Variants in UBR2 observed in about 807,000 individuals in gnomAD.
UBR2 encodes the protein ubiquitin protein ligase E3 component n-recognin 2.
UBR2 carries 92 observed loss-of-function variants against 247.9 expected under a neutral mutation model. The ratio of observed to expected loss-of-function variants is 0.37; its 90% CI spans 0.31 to 0.44. The LOEUF (loss-of-function observed/expected upper bound fraction) is 0.44. UBR2 is among the 20% of genes least tolerant of loss of function. The pLI, the probability that UBR2 is intolerant of heterozygous loss-of-function variation, is 1.00. For synonymous variants in UBR2, 672 were observed against 693.5 expected (o/e 0.97, Z 0.49); for missense variants, 1,613 against 2,112.6 (o/e 0.76, Z 4.64).
rs368465499 is a variant in UBR2 at position 42,679,694 on chromosome 6, A to G, written c.4610-30A>G. 181 of 1,496,322 alleles carry G rather than the reference A, an allele frequency of 1.2e-4. 1 individual carries two copies. The highest frequency in any genetic ancestry group is 2.4e-4 in the Admixed American group (14 of 59,468). The allele number at this position is 1,496,322 out of a possible 1,614,324, so 92.7% of individuals were successfully genotyped here. On this transcript the variant is annotated intron_variant, in intron 41 of 46. Transcript: ENST00000372901. ...TGCAGAATATGCCCTTAGTTGTTAT[A>G]TGCACTCTTTTCTTGTTCTTCATTT...
intron 15 of UBR2, among the ~76,000 whole-genome samples, chr6:42,639,705 G>A (rs1281346790): frequency 1.3e-5 from 2 of 152,264 alleles, no homozygotes; most frequent in East Asian, 3.9e-4. Context: ...CTTTAAATGG[G>A]AACAAATTCC....
At chr6:42,619,309 C>G (rs941832711) in intron 11 of UBR2, among the ~76,000 whole-genome samples, 1 of 149,492 alleles carries the variant, frequency 6.7e-6, no homozygotes, top group Admixed American at 6.7e-5. Context: ...GCACTAACAT[C>G]TTTGCAATAT....
Position 42,676,865 on chromosome 6 carries a change from T to C in UBR2, c.4470T>C (p.Tyr1490=). 6.2e-7 allele frequency: 1 copy of C among 1,613,130 alleles called. No individual in the cohort carries two copies. Reference sequence around the variant, plus strand: ...CTTTGTATAAAACACTTCACCAGTATACGGGAAGGTGAGTTAGTTATCTTT... The same window carrying C: ...CTTTGTATAAAACACTTCACCAGTACACGGGAAGGTGAGTTAGTTATCTTT... ...VLALYKTLHQ[Y]TGSALKEIPS... Residue 1490 remains tyrosine, a synonymous_variant, in exon 40 of 47, where the codon TAT becomes TAC. Coordinates refer to ENST00000372901, the MANE Select transcript of UBR2 (RefSeq NM_001363705.2).
rs116249807 is a variant in UBR2 at position 42,592,856 on chromosome 6, C to T, written c.417+627C>T. ...CTCCTGTTTGTTTTTATTTACTCTACCCAGGAGTTCATAATAATGAACTAA... is the reference window on the plus strand; with the variant it reads ...CTCCTGTTTGTTTTTATTTACTCTATCCAGGAGTTCATAATAATGAACTAA... On this transcript the variant is annotated intron_variant, in intron 3 of 46. Coordinates refer to ENST00000372901, the MANE Select transcript of UBR2 (RefSeq NM_001363705.2). 9.6e-3 allele frequency among the ~76,000 whole-genome samples: 1,465 copies of T among 152,200 alleles called. 8 individuals carry two copies. The highest frequency in any genetic ancestry group is 0.013 in the Non-Finnish European group (902 of 67,996).
chr6:42,663,618 GT>G (rs1797947600), intron 32 of UBR2, among the ~76,000 whole-genome samples, 199 bp downstream of exon 32: 4 of 152,152 alleles, frequency 2.6e-5, no homozygotes, highest in Admixed American at 2.6e-4. Context: ...AAATTTAACA[GT>G]TTCTAAGCTA....
chr6:42,667,224 T>G (rs1020061646), intron 34 of UBR2, among the ~76,000 whole-genome samples: 5 of 151,666 alleles, frequency 3.3e-5, no homozygotes, highest in African/African-American at 7.3e-5. Flanking sequence ...TAATCCCAGC[T>G]ACTTGGGGGG....
intron 2 of UBR2, among the ~76,000 whole-genome samples, chr6:42,579,125 A>G (rs1470112781): frequency 2.0e-5 from 3 of 152,224 alleles, no homozygotes; most frequent in Admixed American, 6.5e-5. Flanking sequence ...ATTGGCTCAC[A>G]GTTCTGCAAG....
At chr6:42,682,068 TG>T (rs1348062120) in intron 42 of UBR2, among the ~76,000 whole-genome samples, 4 of 152,154 alleles carry the variant, frequency 2.6e-5, no homozygotes, top group African/African-American at 9.7e-5. Context: ...AGCAAGACTC[TG>T]TCTCAAAAAG....
intron 11 of UBR2, among the ~76,000 whole-genome samples, chr6:42,621,688 C>T (rs867998292): frequency 3.9e-5 from 6 of 152,096 alleles, no homozygotes; most frequent in African/African-American, 1.4e-4. Context: ...TCTTGAACTC[C>T]TGACCTCAGG....
At chr6:42,629,785 A>G (rs1795586492) in intron 11 of UBR2, among the ~76,000 whole-genome samples, 1 of 152,218 alleles carries the variant, frequency 6.6e-6, no homozygotes, top group Non-Finnish European at 1.5e-5. Flanking sequence ...ATTTCTTAGC[A>G]TAAGGTGATA....
intron 2 of UBR2, among the ~76,000 whole-genome samples, chr6:42,581,416 C>T (rs1252019833): frequency 6.6e-6 from 1 of 152,100 alleles, no homozygotes; most frequent in Non-Finnish European, 1.5e-5. Flanking sequence ...GTTTCAAACT[C>T]CAGGACTCAA....
intron 4 of UBR2, among the ~76,000 whole-genome samples, chr6:42,601,713 G>A (rs1793377626): frequency 6.7e-6 from 1 of 149,478 alleles, no homozygotes; most frequent in African/African-American, 2.5e-5. Context: ...AAACCTCAAT[G>A]GGACATATAA....
chr6:42,677,869 G>A (rs1322306035), intron 40 of UBR2, among the ~76,000 whole-genome samples: 1 of 152,202 alleles, frequency 6.6e-6, no homozygotes, highest in African/African-American at 2.4e-5. Flanking sequence ...AGTGATGAAT[G>A]TGTTCCAAAA....
chr6:42,615,749 C>A, intron 9 of UBR2, among the ~76,000 whole-genome samples: 1 of 147,982 alleles, frequency 6.8e-6, no homozygotes. Flanking sequence ...CAAAGCAAGA[C>A]CCTAAAAAAA....
intron 7 of UBR2, among the ~76,000 whole-genome samples, chr6:42,611,455 A>G (rs565006766): frequency 0.038 from 3,003 of 78,052 alleles, 95 homozygotes; most frequent in African/African-American, 0.15. Flanking sequence ...GCTAGACTCC[A>G]TCTCAAAAAA....
chr6:42,626,978 G>A (rs1582578587), intron 11 of UBR2, among the ~76,000 whole-genome samples: 6 of 152,250 alleles, frequency 3.9e-5, no homozygotes, highest in Admixed American at 2.6e-4. Context: ...AGATAGAGCC[G>A]ATTTATGAAG....
intron 4 of UBR2, among the ~76,000 whole-genome samples, chr6:42,600,484 C>T (rs559854226): frequency 1.3e-5 from 2 of 152,122 alleles, no homozygotes; most frequent in East Asian, 3.9e-4. Context: ...TCATAACATT[C>T]GTAGACTTGT....
intron 6 of UBR2, 55 bp downstream of exon 6, chr6:42,605,914 C>T (rs1793667647): frequency 7.0e-7 from 1 of 1,433,340 alleles, no homozygotes; most frequent in Non-Finnish European, 9.5e-7. Flanking sequence ...AGGTAAGTTA[C>T]TATAGGTAAC....
At chr6:42,643,214 G>A (rs185438895) in intron 18 of UBR2, among the ~76,000 whole-genome samples, 2,355 of 152,148 alleles carry the variant, frequency 0.015, 25 homozygotes, top group Non-Finnish European at 0.024. Flanking sequence ...GTTATATCTT[G>A]TTTCTTTTTT....
Sources: gnomAD v4.1 joint callset for allele counts (sites outside exome capture counted in the v4.1 genomes callset) on GRCh38, gnomAD v4.1.1 for gene constraint, MANE v1.5 for transcripts, NCBI Gene and HGNC (gene_info 2026-07-23, HGNC 2026-07-21) for gene names.